Variants in CHEK1 observed in about 807,000 individuals in gnomAD.
The protein encoded by CHEK1 is serine/threonine-protein kinase Chk1.
In CHEK1, 32 loss-of-function variants were observed where a neutral mutation model predicts 60.2. The observed-to-expected ratio is 0.53, with a 90% CI of 0.40 to 0.71. The LOEUF (loss-of-function observed/expected upper bound fraction) is 0.71, where lower values mean the gene tolerates loss of function less well. CHEK1 is among the 30% of genes least tolerant of loss of function. The probability of loss-of-function intolerance (pLI) is 0.00; values close to 1 mark genes in which losing one functional copy is unlikely to be tolerated. For synonymous variants in CHEK1, 179 were observed against 187.2 expected, an observed-to-expected ratio of 0.96 and a Z score of 0.36; for missense variants, 399 against 564.6, an observed-to-expected ratio of 0.71 and a Z score of 2.97.
downstream of CHEK1, chr11:125,680,757 CATT>C: frequency 3.7e-6 from 6 of 1,613,760 alleles, no homozygotes; most frequent in Non-Finnish European, 5.1e-6. Context: ...GATAAAGACT[CATT>C]AGCAAGAGAA....
chr11:125,626,748 G>A lies in CHEK1; in HGVS notation c.-20-1G>A, dbSNP rs759605889. ...CTTTTCTGGATTCCTGCCTTTTACA[G>A]CCGAGGTGCTCGGTGGAGTCATGGC... On this transcript the variant is annotated splice_acceptor_variant, in intron 1 of 12. Transcript: ENST00000438015. LOFTEE classifies it low-confidence loss of function (5UTR_SPLICE). 5.0e-6 allele frequency: 8 copies of A among 1,614,156 alleles called. No homozygotes were observed. The highest frequency in any genetic ancestry group is 5.1e-6 in the Non-Finnish European group (6 of 1,179,990).
chr11:125,628,026 C>A (rs1026904447), intron 3 of CHEK1, among the ~76,000 whole-genome samples, 196 bp downstream of exon 3: 1 of 152,126 alleles, frequency 6.6e-6, no homozygotes, highest in Admixed American at 6.5e-5. Context: ...AAGAAAACTT[C>A]TTTCCCAAGT....
At chr11:125,669,522 C>CTTTTTTTTTTT (rs67333022) in intron 13 of CHEK1, among the ~76,000 whole-genome samples, 4 of 114,702 alleles carry the variant, frequency 3.5e-5, no homozygotes, top group Non-Finnish European at 7.1e-5. Context: ...TTCTTTTTTC[C>CTTTTTTTTTTT]TTTTTTTTTT....
chr11:125,638,444 AGAT>A (rs1941154692), intron 8 of CHEK1, among the ~76,000 whole-genome samples: 1 of 152,174 alleles, frequency 6.6e-6, no homozygotes, highest in South Asian at 2.1e-4. Context: ...CAATGACTAG[AGAT>A]GATGAATGAA....
chr11:125,633,506 T>C (rs1422881905), intron 6 of CHEK1, among the ~76,000 whole-genome samples, 155 bp downstream of exon 6: 1 of 152,162 alleles, frequency 6.6e-6, no homozygotes, highest in Non-Finnish European at 1.5e-5. Context: ...TGGAGTACAG[T>C]GAGCTGTTAT....
At chr11:125,661,504 G>T (rs1942014570), downstream of CHEK1, among the ~76,000 whole-genome samples, 1 of 152,040 alleles carries the variant, frequency 6.6e-6, no homozygotes, top group South Asian at 2.1e-4. Context: ...TAGAGACAGG[G>T]TTTCATCGTG....
downstream of CHEK1, among the ~76,000 whole-genome samples, chr11:125,659,053 A>G (rs1290855727): frequency 6.6e-6 from 1 of 152,056 alleles, no homozygotes; most frequent in Non-Finnish European, 1.5e-5. Context: ...AATGTGAGGT[A>G]GAGATTAGGT....
chr11:125,678,832 C>A (rs906934590), downstream of CHEK1, among the ~76,000 whole-genome samples: 40 of 151,144 alleles, frequency 2.6e-4, no homozygotes, highest in African/African-American at 9.5e-4. Flanking sequence ...TATGAGCCCA[C>A]AAAAATTATC....
At chr11:125,678,682 A>ACCCT (rs1281305384), downstream of CHEK1, among the ~76,000 whole-genome samples, 1 of 152,028 alleles carries the variant, frequency 6.6e-6, no homozygotes, top group African/African-American at 2.4e-5. Context: ...TTCGCCACCA[A>ACCCT]CCCTCCCATT....
At chr11:125,654,113 G>A (rs1437360316) in intron 12 of CHEK1, among the ~76,000 whole-genome samples, 1 of 151,342 alleles carries the variant, frequency 6.6e-6, no homozygotes, top group African/African-American at 2.4e-5. Context: ...GGTGGATCTC[G>A]AGGTCAGGAG....
intron 13 of CHEK1, among the ~76,000 whole-genome samples, chr11:125,668,536 A>ATTAT (rs762170980): frequency 6.6e-6 from 1 of 151,542 alleles, no homozygotes. Context: ...TTTTTAATTA[A>ATTAT]TTATTTATTT....
At position 125,630,590 on chromosome 11, in the gene CHEK1, T is replaced by C. The variant is rs534596012; in HGVS notation, c.424+1130T>C. On this transcript the variant is annotated intron_variant, in intron 5 of 12. Transcript: ENST00000438015. ...CCTCCCAGAGTGCTGGGATTATAGG[T>C]GTGAGCCGCTGTACCCAGCCTATAC... is the stretch of plus-strand genomic sequence containing the variant. 8.5e-5 allele frequency among the ~76,000 whole-genome samples: 13 copies of C among 152,226 alleles called. No homozygotes were observed. The East Asian group carries it at 2.5e-3, about 29-fold the overall frequency.
Position 125,653,664 on chromosome 11 carries a change from CTTCTA to C in CHEK1, c.1234-77_1234-73del, listed in dbSNP as rs1337279820. 1.4e-5 allele frequency: 10 copies of C among 719,392 alleles called. No individual in the cohort carries two copies. The highest frequency in any genetic ancestry group is 1.4e-4 in the South Asian group (8 of 59,126). The allele number at this position is 719,392 out of a possible 1,614,324, so 44.6% of individuals were successfully genotyped here. On this transcript the variant is annotated intron_variant, in intron 11 of 12. Coordinates refer to ENST00000438015, the MANE Select transcript of CHEK1 (RefSeq NM_001114122.3). The surrounding 1 kb of genome is among the most constrained non-coding windows in gnomAD (Gnocchi z 4.3). ...GTTTTATTTGTAGTTTTTTGAGAAA[CTTCTA>C]TTCTGTTCTTCATAGTGGGTTTACT...
chr11:125,670,490 A>G (rs900537112), intron 13 of CHEK1, among the ~76,000 whole-genome samples: 4 of 152,112 alleles, frequency 2.6e-5, no homozygotes, highest in African/African-American at 7.2e-5. Flanking sequence ...CTTTTGTTCT[A>G]TTAGGTCTGT....
intron 2 of CHEK1, 86 bp downstream of exon 2, chr11:125,626,919 G>A: frequency 7.0e-7 from 1 of 1,425,190 alleles, no homozygotes; most frequent in Non-Finnish European, 9.9e-7. Context: ...GAAAGTAGAT[G>A]TTTGAGATCC....
At chr11:125,632,690 T>C (rs1217515400) in intron 5 of CHEK1, among the ~76,000 whole-genome samples, 1 of 152,196 alleles carries the variant, frequency 6.6e-6, no homozygotes, top group South Asian at 2.1e-4. Context: ...AGAAAAAAAT[T>C]ACTGTGGTTT....
At chr11:125,678,122 G>A (rs1942615321), downstream of CHEK1, 1 of 1,614,050 alleles carries the variant, frequency 6.2e-7, no homozygotes, top group Non-Finnish European at 8.5e-7. Context: ...CAGTGTGCTT[G>A]CTTGAACCAT....
At position 125,655,327 on chromosome 11, in the gene CHEK1, C is replaced by T. The variant is rs780645711; in HGVS notation, c.*7C>T. ...TTGGCTTCCTGCCACATGATCGGAC[C>T]ATCGGCTCTGGGGAATCCTGGTGAA... is the stretch of plus-strand genomic sequence containing the variant. On this transcript the variant is annotated 3_prime_UTR_variant, in exon 13 of 13. Transcript: ENST00000438015. 1 of 1,590,444 alleles carries T rather than the reference C, an allele frequency of 6.3e-7. No homozygotes were observed. The highest frequency in any genetic ancestry group is 1.1e-5 in the South Asian group (1 of 90,430).
At position 125,633,998 on chromosome 11, in the gene CHEK1, G is replaced by T. The variant is rs866295239; in HGVS notation, c.613+647G>T. ...GAGAGCAGAAGCAAGCTCTATTGTG[G>T]TTTTTTTTTTTTTTTTTAGACCAGA... On this transcript the variant is annotated intron_variant, in intron 6 of 12. Transcript: ENST00000438015. 3.4e-4 allele frequency among the ~76,000 whole-genome samples: 43 copies of T among 126,956 alleles called. 1 individual carries two copies. The highest frequency in any genetic ancestry group is 4.2e-4 in the Non-Finnish European group (26 of 62,358). 83.3% of individuals were successfully genotyped at this position (126,956 alleles called of 152,430 possible).
Sources: allele counts gnomAD v4.1 joint callset (sites outside exome capture counted in the v4.1 genomes callset), GRCh38; gene constraint gnomAD v4.1.1; non-coding constraint Gnocchi (gnomAD v3.1); transcripts MANE v1.5; gene names NCBI Gene and HGNC (gene_info 2026-07-23, HGNC 2026-07-21).